Variants in AUTS2 observed in about 807,000 individuals in gnomAD.
The protein encoded by AUTS2 is activator of transcription and developmental regulator AUTS2.
AUTS2 carries 17 observed loss-of-function variants against 112.4 expected under a neutral mutation model. That is an observed-to-expected ratio of 0.15 (90% CI 0.10 to 0.23). AUTS2 has a LOEUF of 0.23. AUTS2 is among the 10% of genes least tolerant of loss of function. AUTS2 has a pLI of 1.00. For synonymous variants in AUTS2, 751 were observed against 702.7 expected, an observed-to-expected ratio of 1.07 and a Z score of -1.09; for missense variants, 1,510 against 1,701.6, an observed-to-expected ratio of 0.89 and a Z score of 1.98.
At chr7:70,610,423 CT>C (rs3054735) in intron 5 of AUTS2, among the ~76,000 whole-genome samples, 1,115 of 77,068 alleles carry the variant, frequency 0.014, 11 homozygotes, top group African/African-American at 0.033. Context: ...TAGCGCTCAT[CT>C]TTTTTTTTTT....
chr7:69,691,478 G>A (rs557390897), intron 1 of AUTS2, among the ~76,000 whole-genome samples: 15 of 152,202 alleles, frequency 9.9e-5, no homozygotes, highest in African/African-American at 2.9e-4. Flanking sequence ...AGAGGGGGCC[G>A]AGGTGGCAGA....
chr7:69,619,101 C>T (rs1209141444), intron 1 of AUTS2, among the ~76,000 whole-genome samples: 2 of 152,152 alleles, frequency 1.3e-5, no homozygotes, highest in Non-Finnish European at 2.9e-5. Context: ...ATGTGTGGTA[C>T]TCCTGGACTT....
rs147619135 is a variant in AUTS2, at chr7:69,783,279, C to T, written c.310-116007C>T. On this transcript the variant is annotated intron_variant, in intron 1 of 18. Transcript: ENST00000342771. ...CACTTTAGAGGGAGGAATGATTTTA[C>T]ACTGGGACTGTTAGGATCAGTTTAG... Among the ~76,000 whole-genome samples, 468 of 152,134 alleles carry T rather than the reference C, an allele frequency of 3.1e-3. 3 individuals are homozygous for T. The highest frequency in any genetic ancestry group is 0.01 in the Middle Eastern group (3 of 294).
rs187949371 is a variant in AUTS2, at chr7:70,024,887, A to G, written c.523-93245A>G. Among the ~76,000 whole-genome samples, 506 of 152,356 alleles carry G rather than the reference A, an allele frequency of 3.3e-3. 6 individuals are homozygous for G. The highest frequency in any genetic ancestry group is 0.012 in the African/African-American group (482 of 41,586). On this transcript the variant is annotated intron_variant, in intron 2 of 18. Coordinates refer to ENST00000342771, the MANE Select transcript of AUTS2 (RefSeq NM_015570.4). ...CCTTTACTTGAAGTTAACTGATTGTAGAAGTTAACCACATCTAGAAAATAC... is the reference window on the plus strand; with the variant it reads ...CCTTTACTTGAAGTTAACTGATTGTGGAAGTTAACCACATCTAGAAAATAC...
At chr7:70,524,923 G>A (rs898477981) in intron 5 of AUTS2, among the ~76,000 whole-genome samples, 2 of 152,190 alleles carry the variant, frequency 1.3e-5, no homozygotes, top group East Asian at 1.9e-4. Context: ...ATGTCAGCTC[G>A]TCAGTGAAAT....
intron 2 of AUTS2, among the ~76,000 whole-genome samples, chr7:69,981,959 T>A (rs1443570934): frequency 4.6e-5 from 7 of 152,218 alleles, no homozygotes; most frequent in Admixed American, 4.6e-4. Flanking sequence ...ATCATGAGTT[T>A]TTGTCTGTTT....
chr7:70,143,780 C>T (rs80173678), intron 4 of AUTS2, among the ~76,000 whole-genome samples: 6 of 152,208 alleles, frequency 3.9e-5, no homozygotes, highest in Non-Finnish European at 8.8e-5. Context: ...GTAATATAAT[C>T]ACAGATTTGG....
intron 5 of AUTS2, among the ~76,000 whole-genome samples, chr7:70,530,893 CT>C (rs769697905): frequency 6.6e-6 from 1 of 152,096 alleles, no homozygotes; most frequent in Non-Finnish European, 1.5e-5. Flanking sequence ...TTTTCTTGTT[CT>C]TATTATCGTT....
At chr7:69,710,464 G>A (rs1798265149) in intron 1 of AUTS2, among the ~76,000 whole-genome samples, 1 of 152,176 alleles carries the variant, frequency 6.6e-6, no homozygotes, top group Non-Finnish European at 1.5e-5. Context: ...TGATCTGTTA[G>A]GATGACTGGT....
At chr7:70,481,485 G>C (rs1324235215) in intron 5 of AUTS2, among the ~76,000 whole-genome samples, 1 of 152,124 alleles carries the variant, frequency 6.6e-6, no homozygotes, top group East Asian at 1.9e-4. Context: ...AAGGGAGTAG[G>C]TCCTGTCCTG....
At chr7:70,211,610 C>A (rs1208840543) in intron 4 of AUTS2, among the ~76,000 whole-genome samples, 1 of 150,348 alleles carries the variant, frequency 6.7e-6, no homozygotes, top group East Asian at 2.0e-4. Context: ...GATCGCGCCA[C>A]TGCACTCCAG....
chr7:70,042,686 G>A (rs1002342280), intron 2 of AUTS2, among the ~76,000 whole-genome samples: 6 of 152,142 alleles, frequency 3.9e-5, no homozygotes, highest in African/African-American at 1.4e-4. Flanking sequence ...CTTTCTTCGG[G>A]AGAATCTGTT....
chr7:70,163,610 C>T (rs1419233518), intron 4 of AUTS2, among the ~76,000 whole-genome samples: 1 of 152,002 alleles, frequency 6.6e-6, no homozygotes, highest in Non-Finnish European at 1.5e-5. Flanking sequence ...ATGGGGCAAA[C>T]GTCGTTTGCA....
chr7:70,615,565 C>CTTGTTGTTG (rs57037063), intron 5 of AUTS2, among the ~76,000 whole-genome samples: 3,151 of 148,550 alleles, frequency 0.021, 79 homozygotes, highest in East Asian at 0.13. Flanking sequence ...AGATTTATGG[C>CTTGTTGTTG]TTGTTGTTGT....
chr7:69,824,227 C>G (rs1289826878), intron 1 of AUTS2, among the ~76,000 whole-genome samples: 1 of 151,990 alleles, frequency 6.6e-6, no homozygotes, highest in Non-Finnish European at 1.5e-5. Context: ...TCCTGGCTAA[C>G]ACGGTGAAAC....
chr7:70,104,398 T>G (rs369037568), intron 2 of AUTS2, among the ~76,000 whole-genome samples: 5 of 152,322 alleles, frequency 3.3e-5, no homozygotes, highest in South Asian at 4.1e-4. Context: ...TGGCGAAATA[T>G]CCTGCTGATT....
chr7:69,678,801 A>G (rs1229774335), intron 1 of AUTS2, among the ~76,000 whole-genome samples: 1 of 152,232 alleles, frequency 6.6e-6, no homozygotes, highest in Non-Finnish European at 1.5e-5. Flanking sequence ...CCCTCAAACC[A>G]TAGATCCATC....
intron 1 of AUTS2, among the ~76,000 whole-genome samples, chr7:69,831,878 G>A (rs1198034003): frequency 6.6e-6 from 1 of 152,182 alleles, no homozygotes; most frequent in Admixed American, 6.5e-5. Context: ...ATAATTGAAA[G>A]TTACTTGGCT....
At chr7:70,646,185 A>G (rs904037969) in intron 5 of AUTS2, among the ~76,000 whole-genome samples, 3 of 152,182 alleles carry the variant, frequency 2.0e-5, no homozygotes, top group Admixed American at 2.0e-4. Context: ...TTCAATTCAG[A>G]GCTCAGTGCG....
Sources: gnomAD v4.1 joint callset for allele counts (sites outside exome capture counted in the v4.1 genomes callset) on GRCh38, gnomAD v4.1.1 for gene constraint, MANE v1.5 for transcripts, NCBI Gene and HGNC (gene_info 2026-07-23, HGNC 2026-07-21) for gene names.